Variants in RANBP17 observed in about 807,000 individuals in gnomAD.
The protein encoded by RANBP17 is ran-binding protein 17.
RANBP17 carries 158 observed loss-of-function variants against 141.2 expected under a neutral mutation model. That is an observed-to-expected ratio of 1.12 (90% CI 0.98 to 1.28). The LOEUF (loss-of-function observed/expected upper bound fraction) is 1.28. Ranked by LOEUF, RANBP17 falls within the 50% of genes most tolerant of loss-of-function variation. The pLI, the probability that RANBP17 is intolerant of heterozygous loss-of-function variation, is 0.00. For synonymous variants in RANBP17, 430 were observed against 450.0 expected (o/e 0.96, Z 0.56); for missense variants, 1,438 against 1,290.7 (o/e 1.11, Z -1.75).
intron 18 of RANBP17, among the ~76,000 whole-genome samples, chr5:171,195,932 CCATTGCCTGCG>C (rs1761953262): frequency 6.6e-6 from 1 of 152,194 alleles, no homozygotes; most frequent in African/African-American, 2.4e-5. Context: ...AGTACCAAAT[CCATTGCCTGCG>C]TAAGCACTCA....
chr5:171,031,166 A>G (rs1175083764), intron 14 of RANBP17, among the ~76,000 whole-genome samples: 1 of 152,026 alleles, frequency 6.6e-6, no homozygotes, highest in African/African-American at 2.4e-5. Flanking sequence ...AAAGATTTAC[A>G]GGCTTTAAAT....
chr5:171,033,555 A>G (rs755869844), intron 14 of RANBP17, among the ~76,000 whole-genome samples: 7 of 152,088 alleles, frequency 4.6e-5, no homozygotes, highest in Non-Finnish European at 7.4e-5. Flanking sequence ...AAAAATTTAT[A>G]TGTAAAGTGT....
chr5:171,241,405 G>A (rs1316220779), intron 23 of RANBP17, among the ~76,000 whole-genome samples: 1 of 151,452 alleles, frequency 6.6e-6, no homozygotes, highest in Non-Finnish European at 1.5e-5. Flanking sequence ...ATCATGCTTA[G>A]GCTTAGTTCA....
rs757140946 is a variant in RANBP17 at position 170,919,391 on chromosome 5, T to C, written c.1102-50T>C. On this transcript the variant is annotated intron_variant, in intron 10 of 27. Coordinates refer to ENST00000523189, the MANE Select transcript of RANBP17 (RefSeq NM_022897.5). ...TAGTAATTTTATTCTGTAATTCTTA[T>C]TGTAGGAAGATGTAATATTTTAAAT... 11 of 1,209,364 alleles carry C rather than the reference T, an allele frequency of 9.1e-6. No individual in the cohort carries two copies. The South Asian group carries it at 1.1e-4, about 12-fold the overall frequency. The allele number at this position is 1,209,364 out of a possible 1,614,324, so 74.9% of individuals were successfully genotyped here. A position where few individuals can be genotyped will look rare whatever the true frequency, so the allele number is the denominator to read the frequency against.
chr5:171,215,280 C>T (rs1408037484), intron 21 of RANBP17, among the ~76,000 whole-genome samples: 1 of 152,052 alleles, frequency 6.6e-6, no homozygotes, highest in Non-Finnish European at 1.5e-5. Context: ...GTATATGTGC[C>T]ACATTTTCTT....
intron 25 of RANBP17, among the ~76,000 whole-genome samples, chr5:171,275,515 T>G (rs1375616869): frequency 2.6e-5 from 4 of 152,198 alleles, no homozygotes; most frequent in African/African-American, 9.7e-5. Context: ...TTTCGGAGAA[T>G]GAAAAATTAG....
At chr5:170,910,941 G>C in intron 6 of RANBP17, 28 bp from the exon 7 acceptor site, 2 of 1,602,018 alleles carry the variant, frequency 1.2e-6, no homozygotes, top group African/African-American at 2.7e-5. Flanking sequence ...ATTTCGCAGT[G>C]TTTTCTTTGA....
chr5:170,975,942 C>A (rs1777339338), intron 14 of RANBP17, among the ~76,000 whole-genome samples: 1 of 151,862 alleles, frequency 6.6e-6, no homozygotes, highest in South Asian at 2.1e-4. Flanking sequence ...ACTCCCTTCT[C>A]TTCTATTAAA....
At chr5:171,267,528 C>T (rs1210022486) in intron 25 of RANBP17, among the ~76,000 whole-genome samples, 1 of 152,088 alleles carries the variant, frequency 6.6e-6, no homozygotes, top group Non-Finnish European at 1.5e-5. Flanking sequence ...AAAATGTTGG[C>T]CGGGCGCAGT....
chr5:171,080,216 A>C (rs1185578480), intron 14 of RANBP17, among the ~76,000 whole-genome samples: 1 of 148,782 alleles, frequency 6.7e-6, no homozygotes, highest in Non-Finnish European at 1.5e-5. Context: ...GATACTAGTG[A>C]TATATTATCT....
At chr5:171,265,906 C>A in intron 25 of RANBP17, 59 bp downstream of exon 25, 1 of 1,502,390 alleles carries the variant, frequency 6.7e-7, no homozygotes, top group Non-Finnish European at 9.1e-7. Flanking sequence ...CCATACCTGG[C>A]CCCGAATTTA....
intron 3 of RANBP17, among the ~76,000 whole-genome samples, chr5:170,882,221 A>G (rs6875165): frequency 0.6 from 91,461 of 151,850 alleles, 29,276 homozygotes; most frequent in South Asian, 0.9. Context: ...AGCTGGGACT[A>G]CAGGTGCACG....
intron 14 of RANBP17, among the ~76,000 whole-genome samples, chr5:171,022,075 GCTGGGGGTT>G (rs1780897433): frequency 2.0e-5 from 3 of 152,084 alleles, no homozygotes; most frequent in African/African-American, 7.2e-5. Context: ...TGCTGGGTTT[GCTGGGGGTT>G]CACTTCAGGC....
Position 171,277,938 on chromosome 5 carries a change from C to CTTTTTTTTTTTTTTT in RANBP17, c.2943+12108_2943+12122dup, listed in dbSNP as rs140208253. On this transcript the variant is annotated intron_variant, in intron 25 of 27. Transcript: ENST00000523189. The stretch of plus-strand genomic sequence containing the variant: ...CAGTCCTTGAGCCTAGGACTTCTTT[C>CTTTTTTTTTTTTTTT]TTTTTTTTTTTTTTTTTTTTTTTTT... Among the ~76,000 whole-genome samples, 12 of 72,266 alleles carry CTTTTTTTTTTTTTTT rather than the reference C, an allele frequency of 1.7e-4. 1 individual carries two copies. Among genetic ancestry groups the CTTTTTTTTTTTTTTT allele is most frequent in the Non-Finnish European group, 2.3e-4 (10 of 42,672 alleles). The allele number at this position is 72,266 out of a possible 152,430, so 47.4% of individuals were successfully genotyped here.
chr5:170,984,486 G>T (rs1777986227), intron 14 of RANBP17, among the ~76,000 whole-genome samples: 1 of 151,956 alleles, frequency 6.6e-6, no homozygotes, highest in East Asian at 1.9e-4. Flanking sequence ...AATTAGCTGG[G>T]CATGGTGACA....
intron 14 of RANBP17, among the ~76,000 whole-genome samples, chr5:171,061,174 T>C (rs1330997159): frequency 2.0e-5 from 3 of 151,980 alleles, no homozygotes; most frequent in African/African-American, 4.8e-5. Context: ...AGTTCTGCTC[T>C]GATTTTAGTT....
At chr5:171,108,788 A>G (rs1755024051) in intron 14 of RANBP17, among the ~76,000 whole-genome samples, 1 of 152,176 alleles carries the variant, frequency 6.6e-6, no homozygotes, top group African/African-American at 2.4e-5. Flanking sequence ...GGCTGACTGA[A>G]TTTTGCTTTT....
chr5:170,928,707 T>A (rs1773116660), intron 12 of RANBP17, among the ~76,000 whole-genome samples: 1 of 152,088 alleles, frequency 6.6e-6, no homozygotes, highest in Non-Finnish European at 1.5e-5. Context: ...ATGCTAATAC[T>A]ATATTGTCTT....
chr5:170,913,034 C>T (rs1268788010), intron 7 of RANBP17, among the ~76,000 whole-genome samples: 3 of 151,952 alleles, frequency 2.0e-5, no homozygotes, highest in Non-Finnish European at 4.4e-5. Context: ...AACAGCAGCA[C>T]TGAAAGCTAG....
Sources: allele counts gnomAD v4.1 joint callset (sites outside exome capture counted in the v4.1 genomes callset), GRCh38; gene constraint gnomAD v4.1.1; transcripts MANE v1.5; gene names NCBI Gene and HGNC (gene_info 2026-07-23, HGNC 2026-07-21).